Variants in RIPK2 observed in about 807,000 individuals in gnomAD.
The protein encoded by RIPK2 is receptor-interacting serine/threonine-protein kinase 2.
In RIPK2, 38 loss-of-function variants were observed where a neutral mutation model predicts 60.9. That is an observed-to-expected ratio of 0.62 (90% CI 0.48 to 0.82). RIPK2 has a LOEUF of 0.82. Ranked by LOEUF, RIPK2 falls within the 40% of genes least tolerant of loss-of-function variation. RIPK2 has a pLI of 0.00. For synonymous variants in RIPK2, 225 were observed against 223.4 expected, an observed-to-expected ratio of 1.01 and a Z score of -0.06; for missense variants, 518 against 647.0, an observed-to-expected ratio of 0.80 and a Z score of 2.16.
intron 7 of RIPK2, among the ~76,000 whole-genome samples, chr8:89,781,356 T>TTTTTTTTTTC: frequency 4.6e-4 from 11 of 24,144 alleles, no homozygotes; most frequent in African/African-American, 3.1e-3. Flanking sequence ...TAGATTGAAT[T>TTTTTTTTTTC]TTTTTTTTTT....
chr8:89,789,550 T>G (rs1407674051), intron 10 of RIPK2, 68 bp downstream of exon 10: 3 of 1,425,102 alleles, frequency 2.1e-6, no homozygotes, highest in Non-Finnish European at 2.9e-6. Context: ...TTCAGTGGAT[T>G]TACCATACAA....
chr8:89,770,330 A>G (rs577546699), intron 4 of RIPK2, among the ~76,000 whole-genome samples: 23 of 151,936 alleles, frequency 1.5e-4, no homozygotes, highest in South Asian at 4.1e-4. Flanking sequence ...TCTTAATCAC[A>G]CTGGGGATAT....
rs772084694 is a variant in RIPK2 at position 89,771,791 on chromosome 8, G to C, written c.691+1G>C. 2 of 1,599,388 alleles carry C rather than the reference G, an allele frequency of 1.3e-6. No individual in the cohort carries two copies. Among genetic ancestry groups the C allele is most frequent in the South Asian group, 1.1e-5 (1 of 90,304 alleles). The stretch of plus-strand genomic sequence containing the variant: ...TTATCCAGAAAACAGCCTTTTGAAG[G>C]TAAGTATGGTTTGACTTTTTTATGC... On this transcript the variant is annotated splice_donor_variant, in intron 5 of 10. Coordinates refer to ENST00000220751, the MANE Select transcript of RIPK2 (RefSeq NM_003821.6). LOFTEE classifies it high-confidence loss of function.
rs186846995 is a variant in RIPK2, at chr8:89,783,783, T to C, written c.940-267T>C. 5.3e-5 allele frequency among the ~76,000 whole-genome samples: 8 copies of C among 152,254 alleles called. No individual in the cohort carries two copies. In the East Asian group the frequency reaches 1.4e-3, roughly 26 times the overall value. ...TCTCTAGAACCATCCTGCATGTAGG[T>C]AATTGTTAGATTTCGAGGATGAAGC... On this transcript the variant is annotated intron_variant, in intron 7 of 10. Transcript: ENST00000220751.
At chr8:89,766,038 T>A (rs1809224611) in intron 3 of RIPK2, among the ~76,000 whole-genome samples, 1 of 151,858 alleles carries the variant, frequency 6.6e-6, no homozygotes, top group Admixed American at 6.6e-5. Context: ...CAACCACTAA[T>A]CTGCTTTCCA....
intron 6 of RIPK2, among the ~76,000 whole-genome samples, chr8:89,777,775 A>T (rs762329610): frequency 6.6e-6 from 1 of 152,194 alleles, no homozygotes; most frequent in Non-Finnish European, 1.5e-5. Context: ...GGAAGGTACC[A>T]TCATTGATTT....
chr8:89,785,069 C>G (rs370578096), intron 8 of RIPK2, among the ~76,000 whole-genome samples: 1 of 152,194 alleles, frequency 6.6e-6, no homozygotes. Flanking sequence ...TAAGCCCCAC[C>G]TCCCAACACC....
chr8:89,775,606 G>T (rs1435557229), intron 6 of RIPK2, among the ~76,000 whole-genome samples: 1 of 152,216 alleles, frequency 6.6e-6, no homozygotes, highest in Non-Finnish European at 1.5e-5. Flanking sequence ...AGAGGTGGAG[G>T]AAATGGTATT....
chr8:89,775,205 A>G (rs1809376996), intron 6 of RIPK2, among the ~76,000 whole-genome samples: 1 of 152,192 alleles, frequency 6.6e-6, no homozygotes, highest in Admixed American at 6.5e-5. Context: ...TGGGAGACCA[A>G]GGCAGAGGGA....
At chr8:89,767,645 T>A (rs1239336122) in intron 3 of RIPK2, among the ~76,000 whole-genome samples, 2 of 151,824 alleles carry the variant, frequency 1.3e-5, no homozygotes, top group Non-Finnish European at 3.0e-5. Context: ...AAAGCAGTTA[T>A]CCTGTAACAG....
At position 89,789,429 on chromosome 8, in the gene RIPK2, C is replaced by T. The variant is rs201134480; in HGVS notation, c.1232C>T (p.Thr411Ile). 6.2e-7 allele frequency: 1 copy of T among 1,614,018 alleles called. No homozygotes were observed. Among genetic ancestry groups the T allele is most frequent in the Non-Finnish European group, 8.5e-7 (1 of 1,179,924 alleles). The change falls in exon 10 of 11, where the codon ACC becomes ATC. Residue 411 changes from threonine to isoleucine, a missense_variant. By Grantham distance (89) the Thr-to-Ile change is moderately conservative. This residue lies in a region of RIPK2 where 448 missense variants were observed against 534.7 expected (regional missense o/e 0.84). Coordinates refer to ENST00000220751, the MANE Select transcript of RIPK2 (RefSeq NM_003821.6). ...SQRAAFCDHK[T>I]TPCSSAIINP... ...AGGGCTGCATTCTGTGATCACAAGA[C>T]CACTCCATGCTCTTCAGCAATAATA...
chr8:89,762,795 AT>A, intron 1 of RIPK2, 33 bp from the exon 2 acceptor site: 1 of 1,181,838 alleles, frequency 8.5e-7, no homozygotes, highest in South Asian at 2.3e-5. Flanking sequence ...ATATTTTTTT[AT>A]TACTTGAATA....
intron 5 of RIPK2, 116 bp downstream of exon 5, chr8:89,771,906 T>C (rs1003378264): frequency 6.7e-6 from 5 of 742,280 alleles, no homozygotes; most frequent in African/African-American, 1.8e-5. Flanking sequence ...GAAAACACAC[T>C]AAAACAACCA....
At chr8:89,758,789 A>G (rs1345354297) in intron 1 of RIPK2, among the ~76,000 whole-genome samples, 1 of 152,096 alleles carries the variant, frequency 6.6e-6, no homozygotes, top group Non-Finnish European at 1.5e-5. Context: ...AGAACTTATA[A>G]TATTTTATTA....
chr8:89,771,384 G>T (rs1809308755), intron 4 of RIPK2, among the ~76,000 whole-genome samples: 1 of 151,830 alleles, frequency 6.6e-6, no homozygotes. Flanking sequence ...AAAGGCAGTA[G>T]AATAGAGCTC....
chr8:89,784,001 C>G, intron 7 of RIPK2, 49 bp from the exon 8 acceptor site: 1 of 979,820 alleles, frequency 1.0e-6, no homozygotes, highest in Admixed American at 2.3e-5. Flanking sequence ...TCTATAATTT[C>G]CTAATCATCT....
intron 3 of RIPK2, among the ~76,000 whole-genome samples, chr8:89,767,482 G>C (rs1809247547): frequency 6.6e-6 from 1 of 151,608 alleles, no homozygotes; most frequent in South Asian, 2.1e-4. Context: ...AGAATAAAGT[G>C]GTAGGGGAAA....
intron 8 of RIPK2, among the ~76,000 whole-genome samples, chr8:89,785,177 CA>C (rs1362418906): frequency 1.3e-5 from 2 of 152,132 alleles, no homozygotes; most frequent in Non-Finnish European, 2.9e-5. Flanking sequence ...AGGTCGCAGT[CA>C]AAACATTGTT....
intron 7 of RIPK2, among the ~76,000 whole-genome samples, chr8:89,783,253 G>A (rs903284845): frequency 3.9e-5 from 6 of 152,154 alleles, no homozygotes; most frequent in Non-Finnish European, 7.4e-5. Context: ...TCACTGAGTA[G>A]TGATGGAAAC....
Sources: allele counts gnomAD v4.1 joint callset (sites outside exome capture counted in the v4.1 genomes callset), GRCh38; gene constraint gnomAD v4.1.1; regional missense constraint gnomAD v4.1.1; transcripts MANE v1.5; gene names NCBI Gene and HGNC (gene_info 2026-07-23, HGNC 2026-07-21).